Variants in PDE12 observed in about 807,000 individuals in gnomAD.
The protein encoded by PDE12 is 2',5'-phosphodiesterase 12.
Under a neutral mutation model 45.4 loss-of-function variants are expected in PDE12, and 26 were observed. The observed-to-expected ratio is 0.57, with a 90% CI of 0.42 to 0.79. PDE12 has a LOEUF of 0.79. Among genes scored for constraint, PDE12 ranks in the 30% least tolerant of loss-of-function variants. The pLI, the probability that PDE12 is intolerant of heterozygous loss-of-function variation, is 0.00. For missense variants in PDE12, 668 were observed against 790.0 expected (o/e 0.85, Z 1.85); for synonymous variants, 283 against 323.9 (o/e 0.87, Z 1.36).
chr3:57,573,217 A>G, the PDE12 span, among the ~76,000 whole-genome samples: 16 of 148,000 alleles, frequency 1.1e-4, 1 homozygote, highest in South Asian at 3.5e-3. Context: ...AAAAAAAAAG[A>G]AAGAAAGAAA....
chr3:57,641,428 T>C, the PDE12 span, among the ~76,000 whole-genome samples: 1 of 148,086 alleles, frequency 6.8e-6, no homozygotes, highest in Non-Finnish European at 1.5e-5. Flanking sequence ...TATTATTCTA[T>C]AATAATATAA....
the PDE12 span, among the ~76,000 whole-genome samples, chr3:57,603,366 T>A: frequency 6.6e-6 from 1 of 151,936 alleles, no homozygotes; most frequent in South Asian, 2.1e-4. Flanking sequence ...TAAGACAGAG[T>A]CTTGTTCTGT....
the PDE12 span, among the ~76,000 whole-genome samples, chr3:57,637,933 A>C: frequency 6.6e-6 from 1 of 152,050 alleles, no homozygotes; most frequent in African/African-American, 2.4e-5. Context: ...CAGGAATTCG[A>C]GACCAGCCTG....
At chr3:57,572,408 C>T in the PDE12 span, 1 of 761,020 alleles carries the variant, frequency 1.3e-6, no homozygotes, top group Non-Finnish European at 2.2e-6. Context: ...TTGCATCTCA[C>T]AAAACTCTCC....
At chr3:57,614,541 T>TG in the PDE12 span, among the ~76,000 whole-genome samples, 56 of 122,074 alleles carry the variant, frequency 4.6e-4, 2 homozygotes, top group Non-Finnish European at 6.0e-4. Flanking sequence ...TTTTTTGTTT[T>TG]TTGTTTTTTT....
Position 57,556,792 on chromosome 3 carries a change from A to G in PDE12, c.413A>G (p.Asn138Ser). ...REEAVAEDVL[N>S]VDAWQDGAVL... ...GAGGCAGTGGCTGAGGACGTGCTCA[A>G]CGTGGATGCCTGGCAAGACGGCGCG... Residue 138 changes from asparagine to serine, a missense_variant, in exon 1 of 3, where the codon AAC (asparagine) becomes AGC (serine). Physicochemically the swap from Asn to Ser is conservative, Grantham distance 46. Coordinates refer to ENST00000311180, the MANE Select transcript of PDE12 (RefSeq NM_177966.7). The surrounding 1 kb of genome is among the most constrained non-coding windows in gnomAD (Gnocchi z 5.0). 3.7e-6 allele frequency: 6 copies of G among 1,612,352 alleles called. No individual in the cohort carries two copies. Among genetic ancestry groups the G allele is most frequent in the Non-Finnish European group, 5.1e-6 (6 of 1,178,850 alleles).
At chr3:57,582,124 T>G in the PDE12 span, among the ~76,000 whole-genome samples, 1 of 152,174 alleles carries the variant, frequency 6.6e-6, no homozygotes, top group Middle Eastern at 3.2e-3. Flanking sequence ...TCCCAAGAAT[T>G]TCGGATAAGG....
the PDE12 span, among the ~76,000 whole-genome samples, chr3:57,603,425 C>T: frequency 6.6e-6 from 1 of 151,936 alleles, no homozygotes; most frequent in Non-Finnish European, 1.5e-5. Context: ...ACAACCTCTC[C>T]CTCCCAGGTT....
At chr3:57,578,292 C>T in the PDE12 span, among the ~76,000 whole-genome samples, 1 of 150,896 alleles carries the variant, frequency 6.6e-6, no homozygotes, top group Non-Finnish European at 1.5e-5. Context: ...CAGTGGCTCA[C>T]TCCTGTAATC....
the PDE12 span, among the ~76,000 whole-genome samples, chr3:57,573,593 T>C: frequency 6.6e-6 from 1 of 152,190 alleles, no homozygotes; most frequent in Non-Finnish European, 1.5e-5. Flanking sequence ...GATCGACTGA[T>C]TGTTTTGAGG....
chr3:57,641,780 G>C, the PDE12 span: 1 of 1,554,906 alleles, frequency 6.4e-7, no homozygotes, highest in Non-Finnish European at 8.8e-7. Flanking sequence ...AAATAAAAAA[G>C]GTGAGAAAAA....
In PDE12 at chr3:57,556,280, T is replaced by C. The variant is rs2069656183; in HGVS notation, c.-100T>C. 1.2e-5 allele frequency: 15 copies of C among 1,260,578 alleles called. 1 individual carries two copies. In the South Asian group the frequency reaches 2.2e-4, roughly 18 times the overall value. The allele number at this position is 1,260,578 out of a possible 1,614,324, so 78.1% of individuals were successfully genotyped here. On this transcript the variant is annotated 5_prime_UTR_variant, in exon 1 of 3. Coordinates refer to ENST00000311180, the MANE Select transcript of PDE12 (RefSeq NM_177966.7). This position sits in a 1 kb window ranked among gnomAD's most constrained non-coding sequence, Gnocchi z 5.0. Reference sequence around the variant, plus strand: ...TCTTCGCTAGCCGGAAGTCGCGAGATCTGAATGAGTCAAAGCCGGCGGCCT... The same window carrying C: ...TCTTCGCTAGCCGGAAGTCGCGAGACCTGAATGAGTCAAAGCCGGCGGCCT...
In PDE12 at chr3:57,561,903, GT is replaced by G; in HGVS notation, c.*1902del. On this transcript the variant is annotated 3_prime_UTR_variant, in exon 3 of 3. Coordinates refer to ENST00000311180, the MANE Select transcript of PDE12 (RefSeq NM_177966.7). Reference sequence around the variant, plus strand: ...CTCCAAGGGGAAAATTAAAGTGGAAGTTTCTTCGGATCTTGTTTAGAAAAAA... The same window carrying G: ...CTCCAAGGGGAAAATTAAAGTGGAAGTTCTTCGGATCTTGTTTAGAAAAAA... 1.0e-6 allele frequency: 1 copy of G among 985,130 alleles called. No homozygotes were observed. The highest frequency in any genetic ancestry group is 1.2e-6 in the Non-Finnish European group (1 of 829,674). 61.0% of individuals were successfully genotyped at this position (985,130 alleles called of 1,614,324 possible).
the PDE12 span, among the ~76,000 whole-genome samples, chr3:57,578,309 C>T: frequency 1.3e-5 from 2 of 151,068 alleles, no homozygotes; most frequent in African/African-American, 4.9e-5. Flanking sequence ...AATCCCAGCA[C>T]TATGGGAAGC....
the PDE12 span, among the ~76,000 whole-genome samples, chr3:57,616,302 A>G: frequency 2.0e-5 from 3 of 152,058 alleles, no homozygotes; most frequent in South Asian, 6.2e-4. Flanking sequence ...AGCCTGGGCT[A>G]CAAAGTGACA....
chr3:57,597,112 G>A, the PDE12 span: 1 of 1,614,164 alleles, frequency 6.2e-7, no homozygotes, highest in East Asian at 2.2e-5. Flanking sequence ...AAATAGTCGG[G>A]AGAAGAGGGA....
At chr3:57,641,793 T>C in the PDE12 span, 4 of 1,503,814 alleles carry the variant, frequency 2.7e-6, no homozygotes, top group Non-Finnish European at 3.7e-6. Flanking sequence ...GAGAAAAAGA[T>C]GAATGCTAAA....
chr3:57,637,763 C>A, the PDE12 span, among the ~76,000 whole-genome samples: 1 of 94,284 alleles, frequency 1.1e-5, no homozygotes, highest in African/African-American at 4.2e-5. Context: ...ATAAATAAGA[C>A]TTCAAAAAAA....
At chr3:57,599,308 CTT>C in the PDE12 span, among the ~76,000 whole-genome samples, 1 of 152,174 alleles carries the variant, frequency 6.6e-6, no homozygotes. Flanking sequence ...AGAGGGGTGA[CTT>C]TTTAAAGAAT....
Sources: allele counts gnomAD v4.1 joint callset (sites outside exome capture counted in the v4.1 genomes callset), GRCh38; gene constraint gnomAD v4.1.1; non-coding constraint Gnocchi (gnomAD v3.1); transcripts MANE v1.5; gene names NCBI Gene and HGNC (gene_info 2026-07-23, HGNC 2026-07-21).